The following SH3YL1 variants were observed in gnomAD, a reference collection of about 807,000 sequenced individuals.
The protein encoded by SH3YL1 is SH3 and SYLF domain containing 1, also known as SH3 domain-containing YSC84-like protein 1.
A neutral mutation model predicts 45.8 loss-of-function variants in SH3YL1; 41 were observed. The ratio of observed to expected loss-of-function variants is 0.89; its 90% CI spans 0.70 to 1.16. SH3YL1 has a LOEUF of 1.16. Among genes scored for constraint, SH3YL1 ranks in the 50% most tolerant of loss-of-function variants. The pLI is 0.00. For synonymous variants in SH3YL1, 152 were observed against 151.4 expected (o/e 1.00, Z -0.03); for missense variants, 389 against 409.6 (o/e 0.95, Z 0.43).
intron 9 of SH3YL1, among the ~76,000 whole-genome samples, chr2:219,869 T>C (rs1265695724): frequency 6.6e-6 from 1 of 152,064 alleles, no homozygotes; most frequent in African/African-American, 2.4e-5. Flanking sequence ...ATATCAGAGA[T>C]AAGTTGGAAT....
chr2:261,744 C>T (rs112790620), intron 1 of SH3YL1, among the ~76,000 whole-genome samples: 6 of 152,280 alleles, frequency 3.9e-5, no homozygotes, highest in African/African-American at 1.4e-4. Context: ...TCTAGTTGTA[C>T]ACGGAGGGTC....
chr2:244,567 A>G (rs949383508), intron 4 of SH3YL1: 1 of 65,428 alleles, frequency 1.5e-5, no homozygotes, highest in Admixed American at 1.3e-4. Flanking sequence ...AAAAGAAAAG[A>G]AAAAGAAAGA....
chr2:234,294 A>T, intron 4 of SH3YL1, 22 bp from the exon 5 acceptor site: 1 of 1,577,400 alleles, frequency 6.3e-7, no homozygotes, highest in Non-Finnish European at 8.7e-7. Context: ...AAACCCATGG[A>T]TTTAAAAATC....
At chr2:221,918 T>C (rs535477524) in intron 9 of SH3YL1, among the ~76,000 whole-genome samples, 1 of 152,148 alleles carries the variant, frequency 6.6e-6, no homozygotes, top group Non-Finnish European at 1.5e-5. Flanking sequence ...TTAAAGTTCC[T>C]CTTTAATGTA....
chr2:241,023 G>T (rs1394564887), intron 4 of SH3YL1: 1 of 151,842 alleles, frequency 6.6e-6, no homozygotes, highest in African/African-American at 2.4e-5. Context: ...CCCATACATA[G>T]AAAAAAAATT....
At chr2:258,629 C>T (rs561839596) in intron 1 of SH3YL1, among the ~76,000 whole-genome samples, 25 of 152,266 alleles carry the variant, frequency 1.6e-4, no homozygotes, top group African/African-American at 5.8e-4. Context: ...AGCTTGATCA[C>T]TTGTTGGCTT....
chr2:250,442 T>A (rs1669026692), intron 2 of SH3YL1, among the ~76,000 whole-genome samples: 1 of 152,236 alleles, frequency 6.6e-6, no homozygotes, highest in African/African-American at 2.4e-5. Context: ...AGTACACTGA[T>A]AATATAATTC....
intron 2 of SH3YL1, 58 bp downstream of exon 2, chr2:252,947 A>G (rs1669136742): frequency 1.8e-6 from 2 of 1,126,872 alleles, no homozygotes; most frequent in South Asian, 1.4e-5. Flanking sequence ...GAACAATGCA[A>G]AAAACAACTT....
chr2:249,327 A>C (rs1668971297), intron 3 of SH3YL1, among the ~76,000 whole-genome samples: 2 of 152,204 alleles, frequency 1.3e-5, no homozygotes, highest in Admixed American at 1.3e-4. Flanking sequence ...GAAACAAAGA[A>C]ATTCACATAT....
intron 4 of SH3YL1, among the ~76,000 whole-genome samples, chr2:237,075 G>A (rs1668337534): frequency 6.6e-6 from 1 of 152,070 alleles, no homozygotes. Flanking sequence ...ACCAGTGATT[G>A]TATAACCTGT....
rs1428572566 is a variant in SH3YL1, at chr2:263,837, T to C, written c.1+147A>G. The C allele has an allele frequency of 3.5e-5, 23 of 657,682 alleles. 1 individual carries two copies. In the South Asian group the frequency reaches 3.8e-4, roughly 11 times the overall value. The allele number at this position is 657,682 out of a possible 1,614,324, so 40.7% of individuals were successfully genotyped here. ...CAAGAAAGTCCTGGAAGCTGCTCTA[T>C]CTTAACTTTGGGCGGTTTGCGGTTA... On this transcript the variant is annotated intron_variant, in intron 1 of 9. Coordinates refer to ENST00000356150, the MANE Select transcript of SH3YL1 (RefSeq NM_015677.4).
intron 8 of SH3YL1, 194 bp downstream of exon 8, chr2:229,772 G>C (rs370962307): frequency 2.7e-4 from 98 of 364,780 alleles, no homozygotes; most frequent in African/African-American, 2.0e-3. Context: ...TGAATAGAAA[G>C]AGAAGTTTTC....
intron 9 of SH3YL1, among the ~76,000 whole-genome samples, chr2:223,875 C>T (rs748695445): frequency 6.6e-6 from 1 of 152,164 alleles, no homozygotes; most frequent in Non-Finnish European, 1.5e-5. Context: ...GGGAAAAACA[C>T]TGGAGTGGGC....
chr2:258,239 C>T (rs1399607533), intron 1 of SH3YL1, among the ~76,000 whole-genome samples: 1 of 152,122 alleles, frequency 6.6e-6, no homozygotes, highest in African/African-American at 2.4e-5. Flanking sequence ...ATAAATTGCT[C>T]TAGGCAGTAT....
intron 1 of SH3YL1, 115 bp downstream of exon 1, chr2:263,869 G>T: frequency 1.1e-6 from 1 of 874,534 alleles, no homozygotes. Flanking sequence ...GTTAACAGAC[G>T]CGCGACCTAG....
At chr2:264,140 A>G (rs1669736801), upstream of SH3YL1, 2 of 1,125,868 alleles carry the variant, frequency 1.8e-6, no homozygotes, top group East Asian at 3.2e-5. Context: ...GTTTCGCGGG[A>G]CAAAAACCAC....
chr2:253,653 G>T (rs566896216), intron 1 of SH3YL1, among the ~76,000 whole-genome samples: 7 of 152,134 alleles, frequency 4.6e-5, no homozygotes, highest in Admixed American at 1.3e-4. Flanking sequence ...AAAAACAATT[G>T]TAAGTATCCT....
intron 3 of SH3YL1, among the ~76,000 whole-genome samples, chr2:247,826 A>C (rs1484279720): frequency 6.6e-6 from 1 of 152,222 alleles, no homozygotes; most frequent in Non-Finnish European, 1.5e-5. Context: ...TAGCCTCACA[A>C]GCCCATGTCC....
At chr2:257,251 C>A (rs983606970) in intron 1 of SH3YL1, among the ~76,000 whole-genome samples, 2 of 152,084 alleles carry the variant, frequency 1.3e-5, no homozygotes. Flanking sequence ...TCCCATTTGT[C>A]AATTTTTGTT....
Sources: gnomAD v4.1 joint callset for allele counts (sites outside exome capture counted in the v4.1 genomes callset) on GRCh38, gnomAD v4.1.1 for gene constraint, MANE v1.5 for transcripts, NCBI Gene and HGNC (gene_info 2026-07-23, HGNC 2026-07-21) for gene names.